Variants in FGD4 observed in about 807,000 individuals in gnomAD.
FGD4 encodes the protein FYVE, RhoGEF and PH domain containing 4.
FGD4 carries 42 observed loss-of-function variants against 102.0 expected under a neutral mutation model. The ratio of observed to expected loss-of-function variants is 0.41; its 90% CI spans 0.32 to 0.53. The LOEUF (loss-of-function observed/expected upper bound fraction) is 0.53, where lower values mean the gene tolerates loss of function less well. Ranked by LOEUF, FGD4 falls within the 20% of genes least tolerant of loss-of-function variation. FGD4 has a pLI of 0.21. For missense variants in FGD4, 902 were observed against 1,078.2 expected (o/e 0.84, Z 2.29); for synonymous variants, 380 against 375.7 (o/e 1.01, Z -0.13).
rs751006919 is a variant in FGD4, at chr12:32,576,302, C to T, written c.356C>T (p.Ser119Leu). 17 of 1,611,494 alleles carry T rather than the reference C, an allele frequency of 1.1e-5. No homozygotes were observed. Among genetic ancestry groups the T allele is most frequent in the African/African-American group, 2.7e-5 (2 of 74,906 alleles). ...PKPLHLQNSP[S>L]SNIHQTPRHK... ...CCATTACACCTGCAGAATTCACCTTCGTCCAATATACACCAAACCCCCAGG... is the reference window on the plus strand; with the variant it reads ...CCATTACACCTGCAGAATTCACCTTTGTCCAATATACACCAAACCCCCAGG... The change falls in exon 3 of 17, where the codon TCG becomes TTG. Residue 119 changes from serine (S) to leucine (L), a missense_variant. Physicochemically the swap from Ser to Leu is moderately radical, Grantham distance 145. Around this residue, in one of 2 missense-constraint regions of FGD4, gnomAD observed 443 missense variants for 459.2 expected, o/e 0.96. Transcript: ENST00000534526.
intron 14 of FGD4, among the ~76,000 whole-genome samples, chr12:32,631,284 T>C (rs546005308): frequency 2.0e-5 from 3 of 152,290 alleles, no homozygotes; most frequent in South Asian, 4.1e-4. Flanking sequence ...TGGAGGGCCT[T>C]GTAAACCAAG....
intron 1 of FGD4, among the ~76,000 whole-genome samples, chr12:32,400,958 A>G (rs1398386666): frequency 6.6e-6 from 1 of 152,220 alleles, no homozygotes; most frequent in Non-Finnish European, 1.5e-5. Flanking sequence ...AAAAAGATAT[A>G]ACTACAGTAG....
intron 4 of FGD4, among the ~76,000 whole-genome samples, 196 bp from the exon 5 acceptor site, chr12:32,598,301 T>TAACCAAGCAGC (rs1948074178): frequency 6.6e-6 from 1 of 152,122 alleles, no homozygotes; most frequent in South Asian, 2.1e-4. Flanking sequence ...GGAGAAACTA[T>TAACCAAGCAGC]AGTTTAAATC....
intron 1 of FGD4, among the ~76,000 whole-genome samples, chr12:32,539,014 A>G (rs1447725408): frequency 1.3e-5 from 2 of 152,124 alleles, no homozygotes; most frequent in African/African-American, 4.8e-5. Flanking sequence ...AGATCGTGCT[A>G]TTGCACTTCA....
intron 1 of FGD4, among the ~76,000 whole-genome samples, chr12:32,425,037 T>C (rs2136425078): frequency 6.6e-6 from 1 of 152,368 alleles, no homozygotes; most frequent in African/African-American, 2.4e-5. Context: ...TTCACTCTGA[T>C]GATAGTTTCT....
At chr12:32,566,848 G>T (rs1945230034) in intron 2 of FGD4, among the ~76,000 whole-genome samples, 1 of 152,194 alleles carries the variant, frequency 6.6e-6, no homozygotes. Context: ...TCCCTTACAA[G>T]TTGTGAATGG....
At chr12:32,493,430 G>A (rs1358306632) in intron 1 of FGD4, among the ~76,000 whole-genome samples, 1 of 152,124 alleles carries the variant, frequency 6.6e-6, no homozygotes, top group Non-Finnish European at 1.5e-5. Context: ...ATGAGCCAGG[G>A]TCATTAGTCC....
At chr12:32,528,428 G>A (rs57830844) in intron 1 of FGD4, among the ~76,000 whole-genome samples, 4,979 of 151,666 alleles carry the variant, frequency 0.033, 205 homozygotes, top group Admixed American at 0.1. Context: ...TCGCTCTGTC[G>A]CCCAGGCTGG....
intron 1 of FGD4, among the ~76,000 whole-genome samples, chr12:32,413,973 C>CTT (rs34824025): frequency 0.066 from 8,525 of 129,178 alleles, 403 homozygotes; most frequent in Middle Eastern, 0.12. Context: ...CTTGAGGATA[C>CTT]TTTTTTTTTT....
chr12:32,413,828 C>T (rs1184467618), intron 1 of FGD4, among the ~76,000 whole-genome samples: 1 of 151,996 alleles, frequency 6.6e-6, no homozygotes, highest in Non-Finnish European at 1.5e-5. Flanking sequence ...TTTTTTTTGT[C>T]AACAGGATTG....
At chr12:32,591,412 A>T (rs565045329) in intron 4 of FGD4, among the ~76,000 whole-genome samples, 2 of 152,324 alleles carry the variant, frequency 1.3e-5, no homozygotes, top group South Asian at 4.1e-4. Context: ...ACATGTGCTG[A>T]AGAGTCATAA....
intron 1 of FGD4, among the ~76,000 whole-genome samples, chr12:32,467,810 G>T (rs1440900126): frequency 6.6e-6 from 1 of 152,176 alleles, no homozygotes; most frequent in Non-Finnish European, 1.5e-5. Context: ...GAGGTCAAGA[G>T]TTTGAGACCA....
chr12:32,635,505 C>T (rs1406213367), intron 15 of FGD4, among the ~76,000 whole-genome samples: 3 of 152,054 alleles, frequency 2.0e-5, no homozygotes, highest in African/African-American at 7.2e-5. Flanking sequence ...AACTTAAATG[C>T]ATATTCGAGA....
intron 1 of FGD4, among the ~76,000 whole-genome samples, chr12:32,428,710 G>A (rs535875229): frequency 2.8e-4 from 43 of 152,234 alleles, no homozygotes; most frequent in Non-Finnish European, 5.1e-4. Flanking sequence ...TCAATCAAAC[G>A]TAGCTTTGGT....
chr12:32,438,798 C>T (rs554854429), intron 1 of FGD4, among the ~76,000 whole-genome samples: 35 of 151,902 alleles, frequency 2.3e-4, no homozygotes, highest in African/African-American at 7.5e-4. Flanking sequence ...TTAGTAGAGA[C>T]GGGGTTTCAC....
intron 1 of FGD4, among the ~76,000 whole-genome samples, chr12:32,482,586 A>G (rs1943796061): frequency 2.0e-5 from 3 of 152,232 alleles, no homozygotes; most frequent in Admixed American, 6.5e-5. Flanking sequence ...TGATCCCACT[A>G]TTCCAGATTA....
chr12:32,570,240 CAAAAAAA>C (rs150913094), intron 2 of FGD4, among the ~76,000 whole-genome samples: 1,548 of 67,634 alleles, frequency 0.023, 19 homozygotes, highest in South Asian at 0.14. Flanking sequence ...GACGCTGTCT[CAAAAAAA>C]AAAAAAAAAA....
At chr12:32,436,266 A>T (rs1942225008) in intron 1 of FGD4, among the ~76,000 whole-genome samples, 1 of 152,218 alleles carries the variant, frequency 6.6e-6, no homozygotes, top group African/African-American at 2.4e-5. Context: ...AAAAGTTTAA[A>T]ACTTAATCAG....
chr12:32,410,066 C>T (rs752081773), intron 1 of FGD4, among the ~76,000 whole-genome samples: 1 of 151,164 alleles, frequency 6.6e-6, no homozygotes, highest in Admixed American at 6.6e-5. Context: ...CGGTGGCTCA[C>T]GCCTATAATC....
Sources: gnomAD v4.1 joint callset for allele counts (sites outside exome capture counted in the v4.1 genomes callset) on GRCh38, gnomAD v4.1.1 for gene constraint, gnomAD v4.1.1 regional missense constraint, MANE v1.5 for transcripts, NCBI Gene and HGNC (gene_info 2026-07-23, HGNC 2026-07-21) for gene names.